The following GABRB1 variants were observed in gnomAD, a reference collection of about 807,000 sequenced individuals.
GABRB1 encodes the protein gamma-aminobutyric acid type A receptor subunit beta1, also known as gamma-aminobutyric acid receptor subunit beta-1.
GABRB1 carries 17 observed loss-of-function variants against 51.6 expected under a neutral mutation model. The observed-to-expected ratio is 0.33, with a 90% confidence interval of 0.23 to 0.49. The LOEUF (loss-of-function observed/expected upper bound fraction) is 0.49, where lower values mean the gene tolerates loss of function less well. GABRB1 is among the 20% of genes least tolerant of loss of function. The pLI is 0.99. For missense variants in GABRB1, 410 were observed against 600.6 expected, an observed-to-expected ratio of 0.68 and a Z score of 3.32; for synonymous variants, 247 against 218.9, an observed-to-expected ratio of 1.13 and a Z score of -1.14.
At chr4:47,029,906 G>A (rs1412925669), upstream of GABRB1, among the ~76,000 whole-genome samples, 3 of 152,012 alleles carry the variant, frequency 2.0e-5, no homozygotes, top group Non-Finnish European at 4.4e-5. Context: ...AACTGATTCA[G>A]TTTCTATATA....
rs143157649 is a variant in GABRB1 at position 47,183,668 on chromosome 4, C to T, written c.461+22199C>T. On this transcript the variant is annotated intron_variant, in intron 4 of 8. Transcript: ENST00000295454. ...TTAATTCCAAGATATTAAATTACTC[C>T]CCTCTTTCTACATCTGTCAATATCA... Among the ~76,000 whole-genome samples, 315 of 151,738 alleles carry T rather than the reference C, an allele frequency of 2.1e-3. 3 individuals carry two copies. Among genetic ancestry groups the T allele is most frequent in the African/African-American group, 7.4e-3 (308 of 41,434 alleles).
At chr4:47,279,687 G>T (rs1385948390) in intron 4 of GABRB1, among the ~76,000 whole-genome samples, 1 of 151,464 alleles carries the variant, frequency 6.6e-6, no homozygotes, top group Non-Finnish European at 1.5e-5. Flanking sequence ...ACAGTTTTTT[G>T]TCTTAAATAA....
intron 4 of GABRB1, among the ~76,000 whole-genome samples, chr4:47,205,605 C>T (rs184118448): frequency 1.6e-4 from 24 of 152,274 alleles, no homozygotes; most frequent in African/African-American, 5.3e-4. Context: ...GTCATGCTCT[C>T]AGATTTTGGT....
At chr4:47,401,649 G>T in intron 5 of GABRB1, among the ~76,000 whole-genome samples, 1 of 152,170 alleles carries the variant, frequency 6.6e-6, no homozygotes, top group East Asian at 1.9e-4. Context: ...CTTAGGAGAG[G>T]TAACTCATGG....
intron 4 of GABRB1, among the ~76,000 whole-genome samples, chr4:47,265,980 A>C (rs1156909211): frequency 6.6e-6 from 1 of 151,864 alleles, no homozygotes; most frequent in African/African-American, 2.4e-5. Context: ...TTTTTGTTGC[A>C]TTTGCTTTTG....
intron 3 of GABRB1, among the ~76,000 whole-genome samples, chr4:47,146,309 CCTCT>C (rs913190037): frequency 2.6e-5 from 4 of 151,684 alleles, no homozygotes; most frequent in African/African-American, 7.3e-5. Flanking sequence ...TTTTTTTCCC[CCTCT>C]CTCTCCCCCT....
At chr4:47,127,595 G>C (rs540330473) in intron 3 of GABRB1, among the ~76,000 whole-genome samples, 69 of 151,628 alleles carry the variant, frequency 4.6e-4, no homozygotes, top group African/African-American at 1.6e-3. Context: ...CTCTCTCCTA[G>C]TGTCTTTAAT....
intron 3 of GABRB1, among the ~76,000 whole-genome samples, chr4:47,055,643 T>G (rs4508857): frequency 0.97 from 148,028 of 152,232 alleles, 72,006 homozygotes; most frequent in East Asian, 1. Flanking sequence ...GGGCTTTATT[T>G]CTAGGGCCCA....
At chr4:47,300,575 T>C (rs1358083235) in intron 4 of GABRB1, among the ~76,000 whole-genome samples, 1 of 152,196 alleles carries the variant, frequency 6.6e-6, no homozygotes, top group Non-Finnish European at 1.5e-5. Flanking sequence ...TGAGTCTTTA[T>C]AATGTAATTT....
intron 3 of GABRB1, among the ~76,000 whole-genome samples, chr4:47,042,414 G>GTATATATATATA (rs764850015): frequency 2.1e-5 from 1 of 47,038 alleles, no homozygotes; most frequent in African/African-American, 6.1e-5. Flanking sequence ...TATGTGTACA[G>GTATATATATATA]TATATATATA....
intron 4 of GABRB1, among the ~76,000 whole-genome samples, chr4:47,224,406 G>A (rs1456387583): frequency 1.3e-5 from 2 of 151,988 alleles, no homozygotes; most frequent in African/African-American, 4.8e-5. Flanking sequence ...AGAGAGATGA[G>A]GCTCAAGCCC....
At chr4:47,384,500 A>G (rs942171689) in intron 5 of GABRB1, among the ~76,000 whole-genome samples, 1 of 152,198 alleles carries the variant, frequency 6.6e-6, no homozygotes, top group Non-Finnish European at 1.5e-5. Flanking sequence ...CATAACCAAT[A>G]AAATCAGGAT....
intron 5 of GABRB1, among the ~76,000 whole-genome samples, chr4:47,394,258 T>C (rs57974955): frequency 0.12 from 18,903 of 152,224 alleles, 1,350 homozygotes; most frequent in African/African-American, 0.18. Context: ...TCAAAAGCTA[T>C]AGGCAAATCC....
intron 5 of GABRB1, among the ~76,000 whole-genome samples, chr4:47,360,420 A>G (rs1203569548): frequency 6.6e-6 from 1 of 151,860 alleles, no homozygotes; most frequent in Non-Finnish European, 1.5e-5. Flanking sequence ...CTCTTTTCAT[A>G]TGTAGGGAAA....
chr4:47,007,866 G>GTGTATATATATATATATATATATATA (rs1476319173), intron 1 of GABRB1, among the ~76,000 whole-genome samples: 1 of 49,972 alleles, frequency 2.0e-5, no homozygotes, highest in African/African-American at 7.9e-5. Flanking sequence ...CTTGGAACTG[G>GTGTATATATATATATATATATATATA]TATATATATA....
chr4:47,340,702 T>C (rs1239138800), intron 5 of GABRB1, among the ~76,000 whole-genome samples: 1 of 152,082 alleles, frequency 6.6e-6, no homozygotes, highest in African/African-American at 2.4e-5. Context: ...CCTCAGGGCA[T>C]AGGATTTCAA....
In GABRB1 at chr4:47,058,023, G is replaced by GCA. The variant is rs1726693967; in HGVS notation, c.240+25542_240+25543dup. Among the ~76,000 whole-genome samples, 3 of 152,138 alleles carry GCA rather than the reference G, an allele frequency of 2.0e-5. No homozygotes were observed. The South Asian group carries it at 6.2e-4, about 31-fold the overall frequency. On this transcript the variant is annotated intron_variant, in intron 3 of 8. Coordinates refer to ENST00000295454, the MANE Select transcript of GABRB1 (RefSeq NM_000812.4). ...AAGTCTGGAGACCACAAAATGCATAGCACAGATTTTTCATGAGAATAAGCA... is the reference window on the plus strand; with the variant it reads ...AAGTCTGGAGACCACAAAATGCATAGCACACAGATTTTTCATGAGAATAAGCA...
chr4:47,302,057 T>C (rs1302209092), intron 4 of GABRB1, among the ~76,000 whole-genome samples: 1 of 152,162 alleles, frequency 6.6e-6, no homozygotes, highest in African/African-American at 2.4e-5. Context: ...AGAGTGTTTA[T>C]AAATTCGGAT....
At chr4:47,178,361 G>T (rs1718789793) in intron 4 of GABRB1, among the ~76,000 whole-genome samples, 1 of 152,062 alleles carries the variant, frequency 6.6e-6, no homozygotes, top group Non-Finnish European at 1.5e-5. Context: ...GCTCTCTCAT[G>T]GTCCTTATAG....
Sources: allele counts gnomAD v4.1 joint callset (sites outside exome capture counted in the v4.1 genomes callset), GRCh38; gene constraint gnomAD v4.1.1; transcripts MANE v1.5; gene names NCBI Gene and HGNC (gene_info 2026-07-23, HGNC 2026-07-21).